Variants in GCA observed in about 807,000 individuals in gnomAD.
GCA encodes grancalcin, EF-hand calcium-binding protein.
A neutral mutation model predicts 32.6 loss-of-function variants in GCA; 30 were observed. The ratio of observed to expected loss-of-function variants is 0.92; its 90% CI spans 0.69 to 1.25. The LOEUF is 1.25. Ranked by LOEUF, GCA falls within the 50% of genes most tolerant of loss-of-function variation. The pLI, the probability that GCA is intolerant of heterozygous loss-of-function variation, is 0.00. For synonymous variants in GCA, 102 were observed against 84.6 expected (o/e 1.21, Z -1.13); for missense variants, 291 against 266.8 (o/e 1.09, Z -0.63).
At position 162,360,672 on chromosome 2, in the gene GCA, G is replaced by A. The variant is rs886182990; in HGVS notation, c.*429G>A. The stretch of plus-strand genomic sequence containing the variant: ...TTTCTTTGTAGTTGGTGGTGTTTGA[G>A]GGTTGGCTAGAAATGAAAGCCTGGA... On this transcript the variant is annotated 3_prime_UTR_variant, in exon 8 of 8. Coordinates refer to ENST00000437150, the MANE Select transcript of GCA (RefSeq NM_012198.5). The A allele has an allele frequency of 3.0e-6, 4 of 1,318,554 alleles. No individual in the cohort carries two copies. The South Asian group carries it at 6.7e-5, about 22-fold the overall frequency. 81.7% of individuals were successfully genotyped at this position (1,318,554 alleles called of 1,614,324 possible).
intron 5 of GCA, among the ~76,000 whole-genome samples, chr2:162,357,764 A>G (rs578210967): frequency 1.3e-5 from 2 of 151,802 alleles, no homozygotes; most frequent in African/African-American, 4.8e-5. Context: ...ACCTTAATTC[A>G]GCCTAATGTT....
Position 162,347,719 on chromosome 2 carries a change from T to TA in GCA, c.170dup (p.Tyr57Ter), listed in dbSNP as rs773905255. Reference sequence around the variant, plus strand: ...CTCAGCTGGTGACTCCGTGTATACTTACTTCAGTGCTGTTGCTGGACAGGT... The same window carrying TA: ...CTCAGCTGGTGACTCCGTGTATACTTAACTTCAGTGCTGTTGCTGGACAGGT... ...YSSAGDSVYT[Y>*]FSAVAGQDGE... Residue 57 changes from tyrosine (Y) to a stop codon, truncating the protein, a stop_gained and frameshift_variant, in exon 2 of 8, where the codon TAC becomes TAAC. Transcript: ENST00000437150. LOFTEE classifies it high-confidence loss of function. 1 of 1,580,908 alleles carries TA rather than the reference T, an allele frequency of 6.3e-7. No individual in the cohort carries two copies. Among genetic ancestry groups the TA allele is most frequent in the South Asian group, 1.2e-5 (1 of 85,286 alleles).
chr2:162,327,494 C>T (rs1382887595), intron 1 of GCA, among the ~76,000 whole-genome samples: 1 of 152,122 alleles, frequency 6.6e-6, no homozygotes, highest in Non-Finnish European at 1.5e-5. Flanking sequence ...CCCATCCTTC[C>T]CCTAGTTCAG....
chr2:162,342,631 G>C (rs1484988544), upstream of GCA, among the ~76,000 whole-genome samples: 1 of 152,208 alleles, frequency 6.6e-6, no homozygotes, highest in African/African-American at 2.4e-5. Context: ...TGTGCAGAAA[G>C]GCAAGAAACC....
chr2:162,327,891 A>G (rs1558884499), intron 1 of GCA, among the ~76,000 whole-genome samples: 1 of 152,258 alleles, frequency 6.6e-6, no homozygotes, highest in African/African-American at 2.4e-5. Flanking sequence ...CAAAAAGACA[A>G]CAGAGGCTTG....
intron 1 of GCA, among the ~76,000 whole-genome samples, chr2:162,319,548 C>T (rs1327188805): frequency 6.6e-6 from 1 of 152,218 alleles, no homozygotes; most frequent in Non-Finnish European, 1.5e-5. Flanking sequence ...TAATTAGCAA[C>T]TAATGTACCA....
chr2:162,365,925 CT>C (rs1421803715), downstream of GCA, among the ~76,000 whole-genome samples: 1 of 151,330 alleles, frequency 6.6e-6, no homozygotes, highest in Non-Finnish European at 1.5e-5. Flanking sequence ...AATTTTACCC[CT>C]AAATAAGAAT....
At chr2:162,357,389 C>T (rs761615933) in intron 5 of GCA, among the ~76,000 whole-genome samples, 7 of 151,678 alleles carry the variant, frequency 4.6e-5, no homozygotes, top group Non-Finnish European at 7.4e-5. Context: ...AAGTATATAA[C>T]TTTATTCTTA....
chr2:162,371,656 A>G, downstream of GCA: 1 of 783,746 alleles, frequency 1.3e-6, no homozygotes, highest in East Asian at 2.7e-5. Flanking sequence ...GTATATTTAC[A>G]TCCTAACTGC....
At chr2:162,342,119 T>TA (rs372485028), upstream of GCA, among the ~76,000 whole-genome samples, 6 of 152,060 alleles carry the variant, frequency 3.9e-5, 1 homozygote, top group South Asian at 8.3e-4. Context: ...TACTGTTATT[T>TA]AAAAAAAACT....
intron 1 of GCA, among the ~76,000 whole-genome samples, chr2:162,345,146 GGTT>G (rs1205451734): frequency 1.3e-5 from 2 of 149,962 alleles, no homozygotes; most frequent in African/African-American, 4.9e-5. Context: ...TTGTGGTTGT[GGTT>G]GTTGTTGTTG....
chr2:162,340,391 A>G (rs1477095883), upstream of GCA, among the ~76,000 whole-genome samples: 2 of 152,206 alleles, frequency 1.3e-5, no homozygotes, highest in Non-Finnish European at 2.9e-5. Flanking sequence ...AAACACCAGT[A>G]AACCCTGCTG....
intron 1 of GCA, among the ~76,000 whole-genome samples, chr2:162,326,583 C>A (rs13396928): frequency 0.055 from 8,405 of 152,152 alleles, 807 homozygotes; most frequent in African/African-American, 0.19. Context: ...ATGGCACGAT[C>A]TTGGTTCACT....
At chr2:162,328,734 T>C (rs1380348636) in intron 1 of GCA, among the ~76,000 whole-genome samples, 6 of 152,192 alleles carry the variant, frequency 3.9e-5, no homozygotes, top group Admixed American at 3.3e-4. Flanking sequence ...ACCCTCTACC[T>C]TGTTGCAAGG....
chr2:162,322,407 T>G (rs1210883160), intron 1 of GCA, among the ~76,000 whole-genome samples: 5 of 143,812 alleles, frequency 3.5e-5, no homozygotes, highest in African/African-American at 5.6e-5. Flanking sequence ...ATTTATTTAT[T>G]TATTTATTTA....
chr2:162,366,858 A>G (rs1685767144), downstream of GCA, among the ~76,000 whole-genome samples: 1 of 151,872 alleles, frequency 6.6e-6, no homozygotes, highest in Admixed American at 6.6e-5. Context: ...GATCTTTGGG[A>G]GGCATGTGAA....
intron 2 of GCA, among the ~76,000 whole-genome samples, chr2:162,351,426 C>T (rs1684993527): frequency 6.6e-6 from 1 of 152,162 alleles, no homozygotes; most frequent in African/African-American, 2.4e-5. Flanking sequence ...TTAGGACATT[C>T]AGCTTTCTAC....
Position 162,360,763 on chromosome 2 carries a change from A to T in GCA, c.*520A>T. On this transcript the variant is annotated 3_prime_UTR_variant, in exon 8 of 8. Transcript: ENST00000437150. ...ATAATCAGAGAAAAGAAACTTAAAGATCTTTGTCTGTGAAGAAGAAAATTA... is the reference window on the plus strand; with the variant it reads ...ATAATCAGAGAAAAGAAACTTAAAGTTCTTTGTCTGTGAAGAAGAAAATTA... The T allele has an allele frequency of 7.2e-7, 1 of 1,380,858 alleles. No homozygotes were observed. The highest frequency in any genetic ancestry group is 9.4e-7 in the Non-Finnish European group (1 of 1,063,330). 85.5% of individuals were successfully genotyped at this position (1,380,858 alleles called of 1,614,324 possible). A position where few individuals can be genotyped will look rare whatever the true frequency, so the allele number is the denominator to read the frequency against.
At chr2:162,320,970 C>A (rs1683640543) in intron 1 of GCA, among the ~76,000 whole-genome samples, 1 of 152,270 alleles carries the variant, frequency 6.6e-6, no homozygotes, top group East Asian at 1.9e-4. Flanking sequence ...TAATACCCAA[C>A]AATAACAATT....
Sources: allele counts gnomAD v4.1 joint callset (sites outside exome capture counted in the v4.1 genomes callset), GRCh38; gene constraint gnomAD v4.1.1; transcripts MANE v1.5; gene names NCBI Gene and HGNC (gene_info 2026-07-23, HGNC 2026-07-21).